LPIN2: variants seen among roughly 807,000 people sequenced by gnomAD.
The protein encoded by LPIN2 is lipin 2, also known as phosphatidate phosphatase LPIN2.
A neutral mutation model predicts 111.4 loss-of-function variants in LPIN2; 55 were observed. That is an observed-to-expected ratio of 0.49 (90% CI 0.40 to 0.62). LPIN2 has a LOEUF of 0.62. Among genes scored for constraint, LPIN2 ranks in the 20% least tolerant of loss-of-function variants. The probability of loss-of-function intolerance (pLI) is 0.00; values close to 1 mark genes in which losing one functional copy is unlikely to be tolerated. For synonymous variants in LPIN2, 425 were observed against 414.0 expected (o/e 1.03, Z -0.32); for missense variants, 992 against 1,112.1 (o/e 0.89, Z 1.54).
At chr18:2,944,416 A>G (rs2077416741) in intron 4 of LPIN2, among the ~76,000 whole-genome samples, 1 of 127,874 alleles carries the variant, frequency 7.8e-6, no homozygotes, top group African/African-American at 3.1e-5. Flanking sequence ...CAGTGGCGCA[A>G]TCTCAGCTCA....
At chr18:3,006,222 C>T (rs1274847894) in intron 1 of LPIN2, among the ~76,000 whole-genome samples, 1 of 152,144 alleles carries the variant, frequency 6.6e-6, no homozygotes, top group East Asian at 1.9e-4. Context: ...CCTCGAAATA[C>T]CTAGTGTTCC....
At chr18:2,976,370 T>A (rs990556402) in intron 1 of LPIN2, among the ~76,000 whole-genome samples, 3 of 152,146 alleles carry the variant, frequency 2.0e-5, no homozygotes, top group African/African-American at 7.2e-5. Flanking sequence ...AGGCCCAAAG[T>A]TCACAGTCAG....
rs146424724 is a variant in LPIN2, at chr18:2,929,101, A to G, written c.1514T>C (p.Ile505Thr). 2.1e-4 allele frequency: 338 copies of G among 1,605,446 alleles called. No individual in the cohort carries two copies. Among genetic ancestry groups the G allele is most frequent in the Non-Finnish European group, 2.7e-4 (321 of 1,172,298 alleles). Residue 505 changes from isoleucine (I) to threonine (T), a missense_variant, in exon 10 of 20, where the codon ATA becomes ACA. Physicochemically the swap from Ile to Thr is moderately conservative, Grantham distance 89. This residue lies in a region of LPIN2 where 709 missense variants were observed against 753.2 expected (regional missense o/e 0.94). Coordinates refer to ENST00000677752, the MANE Select transcript of LPIN2 (RefSeq NM_001375808.2). ...YHEFAENPGL[I>T]DNPNLVIRIY... Reference sequence around the variant, plus strand: ...CCTTATTACAAGGTTAGGATTGTCTATAAGTCCAGGGTTTTCTGCAAATTC... The same window carrying G: ...CCTTATTACAAGGTTAGGATTGTCTGTAAGTCCAGGGTTTTCTGCAAATTC...
chr18:2,958,154 AAAACAAC>A lies in LPIN2; in HGVS notation c.192+2488_192+2494del, dbSNP rs1463350648. The stretch of plus-strand genomic sequence containing the variant: ...GAGACTCCATCTCAAAAAAAAAAAA[AAAACAAC>A]AAAAAAAAAAAACAGAAAAAAGAAA... On this transcript the variant is annotated intron_variant, in intron 2 of 19. Transcript: ENST00000677752. 8.5e-3 allele frequency among the ~76,000 whole-genome samples: 925 copies of A among 108,596 alleles called. 203 individuals are homozygous for A. Among genetic ancestry groups the A allele is most frequent in the African/African-American group, 0.026 (634 of 24,438 alleles). 71.2% of individuals were successfully genotyped at this position (108,596 alleles called of 152,430 possible). A position where few individuals can be genotyped will look rare whatever the true frequency, so the allele number is the denominator to read the frequency against.
At chr18:2,920,547 A>G in intron 19 of LPIN2, 110 bp from the exon 20 acceptor site, 4 of 1,216,080 alleles carry the variant, frequency 3.3e-6, no homozygotes, top group Middle Eastern at 3.8e-4. Flanking sequence ...GGGCAGGTTC[A>G]GAGGCAGGCC....
intron 3 of LPIN2, 86 bp downstream of exon 3, chr18:2,954,418 T>G: frequency 1.1e-6 from 1 of 911,296 alleles, no homozygotes; most frequent in East Asian, 2.4e-5. Context: ...CAATCAACCA[T>G]AAAAAACTGC....
chr18:2,959,865 TA>T (rs202033074), intron 2 of LPIN2, among the ~76,000 whole-genome samples: 44 of 147,686 alleles, frequency 3.0e-4, no homozygotes, highest in Admixed American at 3.4e-4. Flanking sequence ...TAATTTCCTT[TA>T]AAAAAAAAAA....
chr18:3,001,096 C>T (rs906031617), intron 1 of LPIN2, among the ~76,000 whole-genome samples: 12 of 152,120 alleles, frequency 7.9e-5, no homozygotes, highest in Non-Finnish European at 1.3e-4. Context: ...TATAGCTAGC[C>T]TATCAGTTGG....
rs760571769 is a variant in LPIN2, at chr18:2,931,467, G to C, written c.1269-24C>G. On this transcript the variant is annotated intron_variant, in intron 8 of 19. Transcript: ENST00000677752. ...CACTGTGGACAGGGGATGGGGAAAA[G>C]ATGTGCTTTATTACAACTCCTTGAA... The C allele has an allele frequency of 3.9e-6, 6 of 1,554,692 alleles. No homozygotes were observed. In the South Asian group the frequency reaches 5.9e-5, roughly 15 times the overall value.
intron 2 of LPIN2, among the ~76,000 whole-genome samples, chr18:2,955,010 A>C (rs1469032035): frequency 6.6e-6 from 1 of 152,180 alleles, no homozygotes; most frequent in East Asian, 1.9e-4. Flanking sequence ...CATCAAGTAC[A>C]ACTTCACCGA....
chr18:2,961,417 C>T (rs1238457520), intron 1 of LPIN2, among the ~76,000 whole-genome samples: 3 of 152,164 alleles, frequency 2.0e-5, no homozygotes, highest in Non-Finnish European at 4.4e-5. Context: ...CTGCCTGAGC[C>T]TAGCCCATTT....
At position 2,918,272 on chromosome 18, in the gene LPIN2, G is replaced by A. The variant is rs1307026489; in HGVS notation, c.*2021C>T. 4 of 152,092 alleles carry A rather than the reference G, an allele frequency of 2.6e-5. No individual in the cohort carries two copies. Among genetic ancestry groups the A allele is most frequent in the African/African-American group, 4.8e-5 (2 of 41,416 alleles). 9.4% of individuals were successfully genotyped at this position (152,092 alleles called of 1,614,324 possible). On this transcript the variant is annotated 3_prime_UTR_variant, in exon 20 of 20. Coordinates refer to ENST00000677752, the MANE Select transcript of LPIN2 (RefSeq NM_001375808.2). ...TGTGTCCAAAGAGAAGAGCTGTCAA[G>A]AAAAAGAAACTAGTCAAAAACTCTT...
chr18:3,007,221 T>G (rs894386280), intron 1 of LPIN2, among the ~76,000 whole-genome samples: 4 of 152,078 alleles, frequency 2.6e-5, no homozygotes, highest in Admixed American at 1.3e-4. Context: ...CCCAGGGCTG[T>G]AGTGCAGTGG....
rs1198707133 is a variant in LPIN2 at position 2,922,080 on chromosome 18, A to G, written c.2294T>C (p.Leu765Pro). ...GGCGGAGAACAAGCTGCTGGGGGAC[A>G]GCATCAGGGGGCCCCGGGGCAAGAT... is the stretch of plus-strand genomic sequence containing the variant. ...GTILPRGPLM[L>P]SPSSLFSAFH... Residue 765 changes from leucine to proline, a missense_variant, in exon 17 of 20, where the codon CTG becomes CCG. Transcript: ENST00000677752. The G allele has an allele frequency of 6.2e-7, 1 of 1,613,820 alleles. No individual in the cohort carries two copies. Among genetic ancestry groups the G allele is most frequent in the Non-Finnish European group, 8.5e-7 (1 of 1,179,918 alleles).
At position 2,922,230 on chromosome 18, in the gene LPIN2, T is replaced by A. The variant is rs753180918; in HGVS notation, c.2175-31A>T. 29 of 1,612,104 alleles carry A rather than the reference T, an allele frequency of 1.8e-5. No individual in the cohort carries two copies. The Admixed American group carries it at 4.8e-4, about 27-fold the overall frequency. The stretch of plus-strand genomic sequence containing the variant: ...AGAAAACACACCCTGTTAGCCCACA[T>A]GTTCTGGCTAAGGGAAAAGAAAACA... On this transcript the variant is annotated intron_variant, in intron 16 of 19. Transcript: ENST00000677752.
At chr18:2,921,335 TG>T in intron 18 of LPIN2, 197 bp downstream of exon 18, 1 of 625,706 alleles carries the variant, frequency 1.6e-6, no homozygotes. Flanking sequence ...GTATAAATTC[TG>T]GGGCAGATCT....
chr18:2,940,108 C>T (rs2077348156), intron 5 of LPIN2, among the ~76,000 whole-genome samples: 1 of 152,194 alleles, frequency 6.6e-6, no homozygotes. Context: ...AGAGGATCAC[C>T]TGAGGCCAGG....
At chr18:2,996,901 A>C (rs1039107033) in intron 1 of LPIN2, among the ~76,000 whole-genome samples, 1 of 152,214 alleles carries the variant, frequency 6.6e-6, no homozygotes, top group Non-Finnish European at 1.5e-5. Flanking sequence ...AGTTTGCTAT[A>C]TTTGCTAATG....
intron 1 of LPIN2, among the ~76,000 whole-genome samples, chr18:2,997,912 T>C (rs1430098015): frequency 6.6e-6 from 1 of 152,226 alleles, no homozygotes; most frequent in Non-Finnish European, 1.5e-5. Flanking sequence ...CCCTACTGTT[T>C]CCTTTGGAAG....
Sources: allele counts gnomAD v4.1 joint callset (sites outside exome capture counted in the v4.1 genomes callset), GRCh38; gene constraint gnomAD v4.1.1; regional missense constraint gnomAD v4.1.1; transcripts MANE v1.5; gene names NCBI Gene and HGNC (gene_info 2026-07-23, HGNC 2026-07-21).